The following WWOX variants were observed in gnomAD, a reference collection of about 807,000 sequenced individuals.
The protein encoded by WWOX is WW domain containing oxidoreductase, also known as WW domain-containing oxidoreductase.
Under a neutral mutation model 46.2 loss-of-function variants are expected in WWOX, and 69 were observed. The observed-to-expected ratio is 1.49, with a 90% CI of 1.23 to 1.82. The LOEUF (loss-of-function observed/expected upper bound fraction) is 1.82, where lower values mean the gene tolerates loss of function less well. Ranked by LOEUF, WWOX falls within the 40% of genes most tolerant of loss-of-function variation. The probability of loss-of-function intolerance (pLI) is 0.00; values close to 1 mark genes in which losing one functional copy is unlikely to be tolerated. For missense variants in WWOX, 919 were observed against 542.6 expected, an observed-to-expected ratio of 1.69 and a Z score of -6.89; for synonymous variants, 359 against 202.6, an observed-to-expected ratio of 1.77 and a Z score of -6.56.
chr16:78,674,256 C>T (rs920590581), intron 8 of WWOX, among the ~76,000 whole-genome samples: 19 of 150,002 alleles, frequency 1.3e-4, no homozygotes, highest in Admixed American at 8.7e-4. Context: ...ACTCCCCATC[C>T]AACTCGTTCC....
intron 8 of WWOX, among the ~76,000 whole-genome samples, chr16:78,916,054 T>C (rs1044579618): frequency 2.0e-5 from 3 of 152,166 alleles, no homozygotes; most frequent in African/African-American, 7.2e-5. Flanking sequence ...CTTCTCTGAG[T>C]GTGCAGACAC....
intron 5 of WWOX, among the ~76,000 whole-genome samples, chr16:78,326,377 A>T (rs955927104): frequency 6.6e-6 from 1 of 152,106 alleles, no homozygotes; most frequent in East Asian, 1.9e-4. Flanking sequence ...ATATTCTGCC[A>T]CCCCTATCAT....
chr16:78,615,324 G>A (rs1380825943), intron 8 of WWOX, among the ~76,000 whole-genome samples: 3 of 152,066 alleles, frequency 2.0e-5, no homozygotes, highest in Non-Finnish European at 2.9e-5. Flanking sequence ...TCCTCTCCGC[G>A]ACTCGGTACC....
At chr16:78,823,183 C>G (rs962212206) in intron 8 of WWOX, among the ~76,000 whole-genome samples, 2 of 152,204 alleles carry the variant, frequency 1.3e-5, no homozygotes, top group Admixed American at 1.3e-4. Context: ...TCATTCAAAT[C>G]TAATGGTGGA....
At chr16:78,479,894 C>T (rs1040043285) in intron 8 of WWOX, among the ~76,000 whole-genome samples, 27 of 146,576 alleles carry the variant, frequency 1.8e-4, no homozygotes, top group Non-Finnish European at 4.4e-5. Flanking sequence ...TGTTCACTGC[C>T]CCCTCCTGGG....
At chr16:78,766,258 C>T (rs2049922662) in intron 8 of WWOX, among the ~76,000 whole-genome samples, 1 of 152,208 alleles carries the variant, frequency 6.6e-6, no homozygotes, top group African/African-American at 2.4e-5. Context: ...TGGTAGAAAG[C>T]CTTGCTCTTC....
At chr16:78,366,055 C>G (rs1322524266) in intron 5 of WWOX, among the ~76,000 whole-genome samples, 2 of 152,146 alleles carry the variant, frequency 1.3e-5, no homozygotes, top group Non-Finnish European at 2.9e-5. Context: ...ATCTTTCGGC[C>G]CATTGGAAAA....
intron 4 of WWOX, chr16:78,123,455 GTTTTTTTTTTTTGTT>G (rs1421072108): frequency 2.6e-4 from 17 of 65,542 alleles, no homozygotes; most frequent in African/African-American, 1.0e-3. Context: ...TTTTTTTTTT[GTTTTTTTTTTTTGTT>G]TTTTTGAGAT....
chr16:78,234,552 G>T (rs1302575636), intron 5 of WWOX, among the ~76,000 whole-genome samples: 1 of 152,066 alleles, frequency 6.6e-6, no homozygotes, highest in African/African-American at 2.4e-5. Context: ...ATCGAAAAAG[G>T]GTAATCTTTA....
intron 8 of WWOX, among the ~76,000 whole-genome samples, chr16:78,636,565 T>C (rs2046577089): frequency 1.3e-5 from 2 of 152,164 alleles, no homozygotes; most frequent in South Asian, 2.1e-4. Flanking sequence ...CTCAGTCCTT[T>C]TGCTTACTAG....
At position 78,374,504 on chromosome 16, in the gene WWOX, G is replaced by A. The variant is rs532436114; in HGVS notation, c.517-12356G>A. Among the ~76,000 whole-genome samples the A allele has an allele frequency of 2.4e-5, 3 of 125,058 alleles. No homozygotes were observed. The South Asian group carries it at 7.6e-4, about 32-fold the overall frequency. 82.0% of individuals were successfully genotyped at this position (125,058 alleles called of 152,430 possible). On this transcript the variant is annotated intron_variant, in intron 5 of 8. Coordinates refer to ENST00000566780, the MANE Select transcript of WWOX (RefSeq NM_016373.4). ...TCTTTTTGTGTTTATGGTGTTTTGAGTCCTCAACTTTTTCTGTCTTGAATT... is the reference window on the plus strand; with the variant it reads ...TCTTTTTGTGTTTATGGTGTTTTGAATCCTCAACTTTTTCTGTCTTGAATT...
intron 8 of WWOX, among the ~76,000 whole-genome samples, chr16:78,584,675 G>A (rs745493315): frequency 1.4e-4 from 21 of 152,182 alleles, no homozygotes; most frequent in Middle Eastern, 3.2e-3. Context: ...TGAAAAGCAG[G>A]CAGGAATTTT....
intron 8 of WWOX, among the ~76,000 whole-genome samples, chr16:78,566,340 C>G (rs926635323): frequency 1.4e-4 from 22 of 152,182 alleles, no homozygotes; most frequent in Admixed American, 5.9e-4. Flanking sequence ...TCTCACTTAC[C>G]TCTCTACTAA....
intron 4 of WWOX, among the ~76,000 whole-genome samples, chr16:78,161,158 T>G (rs1194287899): frequency 6.6e-6 from 1 of 152,190 alleles, no homozygotes; most frequent in African/African-American, 2.4e-5. Context: ...TTTATGCTTA[T>G]GTTTAAATAA....
chr16:78,481,898 T>G (rs1250410242), intron 8 of WWOX, among the ~76,000 whole-genome samples: 1 of 152,168 alleles, frequency 6.6e-6, no homozygotes, highest in African/African-American at 2.4e-5. Context: ...TAAATAACTT[T>G]TCTGCAGAGA....
At chr16:78,168,026 G>A (rs565052459) in intron 5 of WWOX, 6 of 152,182 alleles carry the variant, frequency 3.9e-5, no homozygotes, top group African/African-American at 1.2e-4. Context: ...CATCAGTGTC[G>A]GGGCCGGGAA....
chr16:79,038,557 T>A (rs986654363), intron 8 of WWOX, among the ~76,000 whole-genome samples: 6 of 152,228 alleles, frequency 3.9e-5, no homozygotes, highest in African/African-American at 1.4e-4. Context: ...ATTAACTTTT[T>A]ATTTTTTTTG....
chr16:78,359,364 T>TA (rs1236738784), intron 5 of WWOX, among the ~76,000 whole-genome samples: 45 of 152,324 alleles, frequency 3.0e-4, no homozygotes, highest in African/African-American at 8.4e-4. Context: ...TAATGTAGCA[T>TA]ATACAAATTA....
chr16:79,079,203 T>A (rs2048715291), intron 8 of WWOX, among the ~76,000 whole-genome samples: 1 of 152,236 alleles, frequency 6.6e-6, no homozygotes, highest in Non-Finnish European at 1.5e-5. Flanking sequence ...ACCTTTATTT[T>A]TAGCATCCGC....
Sources: gnomAD v4.1 joint callset for allele counts (sites outside exome capture counted in the v4.1 genomes callset) on GRCh38, gnomAD v4.1.1 for gene constraint, MANE v1.5 for transcripts, NCBI Gene and HGNC (gene_info 2026-07-23, HGNC 2026-07-21) for gene names.